The following HTR2A variants were observed in gnomAD, a reference collection of about 807,000 sequenced individuals.
HTR2A encodes 5-hydroxytryptamine receptor 2A.
HTR2A carries 14 observed loss-of-function variants against 31.0 expected under a neutral mutation model. That is an observed-to-expected ratio of 0.45 (90% CI 0.30 to 0.71). The LOEUF (loss-of-function observed/expected upper bound fraction) is 0.71, where lower values mean the gene tolerates loss of function less well. Ranked by LOEUF, HTR2A falls within the 30% of genes least tolerant of loss-of-function variation. The pLI is 0.09. For synonymous variants in HTR2A, 209 were observed against 225.2 expected (o/e 0.93, Z 0.64); for missense variants, 442 against 573.3 (o/e 0.77, Z 2.34).
At chr13:46,879,173 T>C (rs564886010) in intron 3 of HTR2A, among the ~76,000 whole-genome samples, 1 of 152,320 alleles carries the variant, frequency 6.6e-6, no homozygotes, top group East Asian at 1.9e-4. Flanking sequence ...GCCTATGCTC[T>C]GTATTGGGGA....
chr13:46,887,902 T>C (rs1350876434), intron 3 of HTR2A, among the ~76,000 whole-genome samples: 1 of 100,990 alleles, frequency 9.9e-6, no homozygotes, highest in African/African-American at 3.9e-5. Flanking sequence ...CAACACACAC[T>C]GGGGCCTGTT....
intron 3 of HTR2A, chr13:46,851,994 G>T (rs1013332872): frequency 1.2e-4 from 19 of 152,270 alleles, no homozygotes; most frequent in Non-Finnish European, 2.6e-4. Context: ...AGTGGAAGAG[G>T]GAGGAAGGTG....
At position 46,863,851 on chromosome 13, in the gene HTR2A, C is replaced by T. The variant is rs191756910; in HGVS notation, c.614-28212G>A. 3.7e-4 allele frequency among the ~76,000 whole-genome samples: 56 copies of T among 152,012 alleles called. 1 individual carries two copies. The highest frequency in any genetic ancestry group is 3.7e-3 in the Admixed American group (56 of 15,282). On this transcript the variant is annotated intron_variant, in intron 3 of 3. Transcript: ENST00000542664. ...AAATTAGTTCAACCATTGTGGAAGA[C>T]AGTGTGGTGGTTCCTCAAAGATCTA...
At chr13:46,886,288 A>G (rs1319366502) in intron 3 of HTR2A, among the ~76,000 whole-genome samples, 2 of 152,214 alleles carry the variant, frequency 1.3e-5, no homozygotes, top group Non-Finnish European at 2.9e-5. Context: ...GAAGAGTCCC[A>G]TAACAATTCA....
intron 3 of HTR2A, among the ~76,000 whole-genome samples, chr13:46,836,498 T>G (rs1876457522): frequency 1.3e-5 from 2 of 152,224 alleles, no homozygotes; most frequent in South Asian, 4.1e-4. Flanking sequence ...TAATTGCACA[T>G]AAAATATTTT....
intron 3 of HTR2A, among the ~76,000 whole-genome samples, chr13:46,877,636 A>G (rs1950925866): frequency 6.6e-6 from 1 of 152,126 alleles, no homozygotes; most frequent in Non-Finnish European, 1.5e-5. Flanking sequence ...GATGAAGTAC[A>G]TTTTCTGCTT....
chr13:46,855,779 C>T (rs1950731343), intron 3 of HTR2A, among the ~76,000 whole-genome samples: 1 of 152,114 alleles, frequency 6.6e-6, no homozygotes, highest in African/African-American at 2.4e-5. Context: ...TATAACATGT[C>T]CACTAGCCAG....
chr13:46,878,378 A>T (rs1950932192), intron 3 of HTR2A, among the ~76,000 whole-genome samples: 1 of 152,214 alleles, frequency 6.6e-6, no homozygotes, highest in Non-Finnish European at 1.5e-5. Flanking sequence ...TTCAGGAGAA[A>T]CAGGTAGACA....
intron 3 of HTR2A, among the ~76,000 whole-genome samples, chr13:46,866,726 C>T (rs1248406917): frequency 6.6e-6 from 1 of 152,172 alleles, no homozygotes; most frequent in African/African-American, 2.4e-5. Flanking sequence ...TTACATAACA[C>T]ATCAGAAGGT....
At chr13:46,869,414 C>A (rs1950847058) in intron 3 of HTR2A, among the ~76,000 whole-genome samples, 3 of 152,186 alleles carry the variant, frequency 2.0e-5, no homozygotes, top group South Asian at 2.1e-4. Context: ...ATGGCTATAA[C>A]AAACACAAGG....
intron 3 of HTR2A, among the ~76,000 whole-genome samples, chr13:46,843,655 T>C (rs942065501): frequency 8.5e-5 from 13 of 152,088 alleles, no homozygotes; most frequent in Non-Finnish European, 1.3e-4. Context: ...CAGAGCACCA[T>C]GGGGAAGGGG....
intron 3 of HTR2A, among the ~76,000 whole-genome samples, chr13:46,880,672 C>T (rs528721517): frequency 1.3e-5 from 2 of 151,992 alleles, no homozygotes; most frequent in African/African-American, 4.8e-5. Flanking sequence ...AACCCCGTCT[C>T]CAATAAAAAT....
At chr13:46,893,697 G>C (rs1380448959) in intron 2 of HTR2A, among the ~76,000 whole-genome samples, 1 of 152,224 alleles carries the variant, frequency 6.6e-6, no homozygotes, top group African/African-American at 2.4e-5. Context: ...CATAAACAAA[G>C]TGTCCTGGTT....
Position 46,896,665 on chromosome 13 carries a change from A to G in HTR2A, c.-329+9T>C. ...CACAGCAATAAAATATAGCGGCATG[A>G]GAACTTACATTTGTCTTCAGGGTCC... On this transcript the variant is annotated intron_variant, in intron 1 of 3. Transcript: ENST00000542664. The G allele has an allele frequency of 6.6e-7, 1 of 1,513,954 alleles. No homozygotes were observed. The highest frequency in any genetic ancestry group is 8.8e-7 in the Non-Finnish European group (1 of 1,134,084). 93.8% of individuals were successfully genotyped at this position (1,513,954 alleles called of 1,614,324 possible).
chr13:46,888,086 C>CAA (rs10666389), intron 3 of HTR2A, among the ~76,000 whole-genome samples: 28,528 of 148,894 alleles, frequency 0.19, 3,304 homozygotes, highest in Non-Finnish European at 0.25. Flanking sequence ...AAGAACAAAG[C>CAA]AAAAAAAAAA....
At chr13:46,856,028 A>G (rs1259218376) in intron 3 of HTR2A, 3 of 152,278 alleles carry the variant, frequency 2.0e-5, no homozygotes, top group Non-Finnish European at 4.4e-5. Flanking sequence ...GGTTTGGGAC[A>G]GAACAGGTAG....
At chr13:46,865,484 A>G (rs994805209) in intron 3 of HTR2A, among the ~76,000 whole-genome samples, 14 of 152,216 alleles carry the variant, frequency 9.2e-5, no homozygotes, top group African/African-American at 2.4e-4. Context: ...ACAGCCTGCA[A>G]TACAAAACAA....
At chr13:46,839,569 T>C (rs1950583522) in intron 3 of HTR2A, among the ~76,000 whole-genome samples, 1 of 152,222 alleles carries the variant, frequency 6.6e-6, no homozygotes, top group African/African-American at 2.4e-5. Flanking sequence ...TTTCTGCATA[T>C]AAAGCATTTT....
intron 3 of HTR2A, among the ~76,000 whole-genome samples, chr13:46,848,951 T>C (rs1923885): frequency 0.42 from 64,093 of 152,024 alleles, 14,891 homozygotes; most frequent in African/African-American, 0.6. Context: ...AAACTGAAAA[T>C]AACAAAACCT....
Sources: allele counts gnomAD v4.1 joint callset (sites outside exome capture counted in the v4.1 genomes callset), GRCh38; gene constraint gnomAD v4.1.1; transcripts MANE v1.5; gene names NCBI Gene and HGNC (gene_info 2026-07-23, HGNC 2026-07-21).